The following TYR variants were observed in gnomAD, a reference collection of about 807,000 sequenced individuals.
TYR encodes the protein LB24-AB.
In TYR, 58 loss-of-function variants were observed where a neutral mutation model predicts 51.5. The ratio of observed to expected loss-of-function variants is 1.13; its 90% confidence interval spans 0.91 to 1.40. TYR has a LOEUF of 1.40. Ranked by LOEUF, TYR falls within the 40% of genes most tolerant of loss-of-function variation. TYR has a pLI of 0.00. For missense variants in TYR, 732 were observed against 647.4 expected (o/e 1.13, Z -1.42); for synonymous variants, 263 against 235.2 (o/e 1.12, Z -1.08).
chr11:89,264,669 A>G (rs1468786702), intron 3 of TYR, among the ~76,000 whole-genome samples: 1 of 151,510 alleles, frequency 6.6e-6, no homozygotes, highest in Non-Finnish European at 1.5e-5. Flanking sequence ...ATCAACCTAA[A>G]TGTTCATCAG....
intron 2 of TYR, among the ~76,000 whole-genome samples, chr11:89,192,632 T>C (rs12420237): frequency 0.16 from 24,474 of 152,016 alleles, 2,409 homozygotes; most frequent in African/African-American, 0.28. Context: ...CCAGAATCAA[T>C]TGAAGCAAGG....
chr11:89,208,686 C>T (rs113547790), intron 2 of TYR, among the ~76,000 whole-genome samples: 71 of 152,222 alleles, frequency 4.7e-4, no homozygotes, highest in African/African-American at 1.7e-3. Context: ...TTAAAATATG[C>T]ATCATAATTT....
At chr11:89,214,937 C>A (rs1224494072) in intron 2 of TYR, among the ~76,000 whole-genome samples, 2 of 152,268 alleles carry the variant, frequency 1.3e-5, no homozygotes, top group East Asian at 3.9e-4. Flanking sequence ...CCTAAGCCTT[C>A]TTTTTCTCAC....
intron 3 of TYR, among the ~76,000 whole-genome samples, chr11:89,240,828 G>T (rs1333029804): frequency 2.0e-5 from 3 of 152,058 alleles, no homozygotes; most frequent in African/African-American, 7.3e-5. Flanking sequence ...TGATTAATAG[G>T]TAAGTTACAA....
chr11:89,225,487 C>T (rs979630166), intron 2 of TYR, among the ~76,000 whole-genome samples: 5 of 151,630 alleles, frequency 3.3e-5, no homozygotes, highest in Non-Finnish European at 7.4e-5. Flanking sequence ...TTAATCCTCA[C>T]TAATATTTTT....
intron 1 of TYR, among the ~76,000 whole-genome samples, chr11:89,186,920 G>A (rs1371611458): frequency 6.6e-6 from 1 of 152,156 alleles, no homozygotes; most frequent in Non-Finnish European, 1.5e-5. Context: ...ACGGCAATGT[G>A]AAGACAGAGA....
chr11:89,195,732 G>T (rs186326384), intron 2 of TYR, among the ~76,000 whole-genome samples: 1 of 151,896 alleles, frequency 6.6e-6, no homozygotes, highest in East Asian at 1.9e-4. Flanking sequence ...ATAAAGCAAA[G>T]AAAAATAAGT....
At chr11:89,196,442 G>A (rs914389001) in intron 2 of TYR, among the ~76,000 whole-genome samples, 1 of 152,108 alleles carries the variant, frequency 6.6e-6, no homozygotes, top group African/African-American at 2.4e-5. Context: ...CAGGAACAAG[G>A]AACAACTTCT....
At chr11:89,291,852 T>A (rs1944855756) in intron 4 of TYR, among the ~76,000 whole-genome samples, 1 of 152,002 alleles carries the variant, frequency 6.6e-6, no homozygotes, top group African/African-American at 2.4e-5. Flanking sequence ...TAAATAATGA[T>A]TTTAACTCTC....
At position 89,284,903 on chromosome 11, in the gene TYR, T is replaced by G. The variant is rs281865327; in HGVS notation, c.1315T>G (p.Phe439Val). The change falls in exon 4 of 5, where the codon TTT (phenylalanine) becomes GTT (valine). Residue 439 changes from phenylalanine (F) to valine (V), a missense_variant. Phe to Val is a conservative substitution (Grantham distance 50). Coordinates refer to ENST00000263321, the MANE Select transcript of TYR (RefSeq NM_000372.5). ...ACCACTGTACAGAAATGGTGATTTC[T>G]TTATTTCATCCAAAGATCTGGGCTA... ...FIPLYRNGDF[F>V]ISSKDLGYDY... The G allele has an allele frequency of 6.2e-6, 10 of 1,611,744 alleles. No homozygotes were observed. Among genetic ancestry groups the G allele is most frequent in the African/African-American group, 1.3e-5 (1 of 74,762 alleles).
chr11:89,261,492 G>T (rs1944456054), intron 3 of TYR, among the ~76,000 whole-genome samples: 1 of 151,938 alleles, frequency 6.6e-6, no homozygotes, highest in Non-Finnish European at 1.5e-5. Context: ...ACAATAAAAA[G>T]GTCAATTGCT....
rs1297117555 is a variant in TYR, at chr11:89,295,267, C to T, written c.1491C>T (p.Ser497=). The T allele has an allele frequency of 6.2e-7, 1 of 1,613,746 alleles. No homozygotes were observed. Among genetic ancestry groups the T allele is most frequent in the East Asian group, 2.2e-5 (1 of 44,872 alleles). The part of the protein sequence containing the change: ...VLTALLAGLV[S]LLCRHKRKQL... ...CTGCCCTGCTGGCAGGGCTTGTGAG[C>T]TTGCTGTGTCGTCACAAGAGAAAGC... The change falls in exon 5 of 5, where the codon AGC becomes AGT. Residue 497 remains serine (S), a synonymous_variant. Transcript: ENST00000263321.
intron 4 of TYR, among the ~76,000 whole-genome samples, chr11:89,287,380 G>GT (rs973537358): frequency 9.9e-5 from 15 of 150,928 alleles, no homozygotes; most frequent in East Asian, 2.0e-4. Flanking sequence ...ATCACACCAG[G>GT]TTTTTTTTTA....
chr11:89,231,884 C>T (rs921778543), intron 3 of TYR, among the ~76,000 whole-genome samples: 1 of 138,150 alleles, frequency 7.2e-6, no homozygotes, highest in Admixed American at 7.2e-5. Context: ...GCTCAGGAGG[C>T]TGAGGTAACA....
At chr11:89,248,129 G>A (rs1258718244) in intron 3 of TYR, among the ~76,000 whole-genome samples, 1 of 152,012 alleles carries the variant, frequency 6.6e-6, no homozygotes, top group African/African-American at 2.4e-5. Flanking sequence ...GCTAATATTT[G>A]TAGCCATCTA....
At chr11:89,195,650 G>C (rs1364731774) in intron 2 of TYR, among the ~76,000 whole-genome samples, 1 of 151,262 alleles carries the variant, frequency 6.6e-6, no homozygotes, top group Non-Finnish European at 1.5e-5. Context: ...CTGCACTCCA[G>C]CCTGAGTGAG....
chr11:89,238,317 C>T (rs1011213572), intron 3 of TYR, among the ~76,000 whole-genome samples: 5 of 151,888 alleles, frequency 3.3e-5, no homozygotes, highest in Non-Finnish European at 2.9e-5. Flanking sequence ...TTAGTAAGTA[C>T]AATGTGATGT....
intron 3 of TYR, among the ~76,000 whole-genome samples, chr11:89,276,446 G>T (rs1402859442): frequency 2.0e-5 from 3 of 151,750 alleles, no homozygotes; most frequent in African/African-American, 7.2e-5. Context: ...AGAAGAACTG[G>T]GTTCTCATCT....
chr11:89,256,302 A>G (rs113120040), intron 3 of TYR, among the ~76,000 whole-genome samples: 68 of 151,986 alleles, frequency 4.5e-4, no homozygotes, highest in African/African-American at 1.6e-3. Context: ...TATTTCTGAT[A>G]CTGTCCTATG....
Sources: gnomAD v4.1 joint callset for allele counts (sites outside exome capture counted in the v4.1 genomes callset) on GRCh38, gnomAD v4.1.1 for gene constraint, MANE v1.5 for transcripts, NCBI Gene and HGNC (gene_info 2026-07-23, HGNC 2026-07-21) for gene names.